MIER2: variants seen among roughly 807,000 people sequenced by gnomAD.
MIER2 encodes mesoderm induction early response protein 2.
MIER2 carries 30 observed loss-of-function variants against 67.6 expected under a neutral mutation model. The observed-to-expected ratio is 0.44, with a 90% CI of 0.33 to 0.60. The LOEUF (loss-of-function observed/expected upper bound fraction) is 0.60, where lower values mean the gene tolerates loss of function less well. Among genes scored for constraint, MIER2 ranks in the 20% least tolerant of loss-of-function variants. The pLI is 0.02. For synonymous variants in MIER2, 372 were observed against 312.6 expected (o/e 1.19, Z -2.00); for missense variants, 702 against 745.1 (o/e 0.94, Z 0.67).
rs1970688992 is a variant in MIER2, at chr19:307,183, T to A, written c.1552A>T (p.Asn518Tyr). The A allele has an allele frequency of 6.3e-7, 1 of 1,589,074 alleles. No homozygotes were observed. The highest frequency in any genetic ancestry group is 8.6e-7 in the Non-Finnish European group (1 of 1,167,956). ...GTGGGGTGGGCGGCCAGGAAGGGGT[T>A]CACGTCCCCAATGCCGATGAGTCCA... ...EFGLIGIGDV[N>Y]PFLAAHPTCP... The change falls in exon 13 of 14, where the codon AAC becomes TAC. Residue 518 changes from asparagine (N) to tyrosine (Y), a missense_variant. Coordinates refer to ENST00000264819, the MANE Select transcript of MIER2 (RefSeq NM_017550.3).
At chr19:307,664 A>C in intron 12 of MIER2, 128 bp from the exon 13 acceptor site, 2 of 978,444 alleles carry the variant, frequency 2.0e-6, no homozygotes, top group Non-Finnish European at 2.8e-6. Flanking sequence ...CCACACAAAT[A>C]CAAAAGACAC....
At chr19:335,202 A>G (rs1568236456) in intron 2 of MIER2, among the ~76,000 whole-genome samples, 2 of 152,214 alleles carry the variant, frequency 1.3e-5, no homozygotes, top group African/African-American at 4.8e-5. Context: ...CTAGGGCTCA[A>G]TCAATCCAGA....
chr19:344,112 A>G (rs1972629797), intron 1 of MIER2: 1 of 985,462 alleles, frequency 1.0e-6, no homozygotes, highest in African/African-American at 1.7e-5. Flanking sequence ...AGGAGGCTCC[A>G]GAAGTAACTT....
chr19:306,454 G>A lies in MIER2; in HGVS notation c.*236C>T, dbSNP rs937621327. 25 of 615,622 alleles carry A rather than the reference G, an allele frequency of 4.1e-5. No individual in the cohort carries two copies. The highest frequency in any genetic ancestry group is 6.0e-5 in the South Asian group (3 of 50,200). 38.1% of individuals were successfully genotyped at this position (615,622 alleles called of 1,614,324 possible). A position where few individuals can be genotyped will look rare whatever the true frequency, so the allele number is the denominator to read the frequency against. ...CACGTGCAGGCAGCGGCCCGGACCC[G>A]GGTGGCAGTGCCGGGCGCTGACGGC... On this transcript the variant is annotated 3_prime_UTR_variant, in exon 14 of 14. Coordinates refer to ENST00000264819, the MANE Select transcript of MIER2 (RefSeq NM_017550.3).
At chr19:315,870 G>A (rs1211246015) in intron 7 of MIER2, among the ~76,000 whole-genome samples, 2 of 152,316 alleles carry the variant, frequency 1.3e-5, no homozygotes, top group South Asian at 2.1e-4. Context: ...AAGGACACAC[G>A]AAGACGTGTG....
At position 307,561 on chromosome 19, in the gene MIER2, G is replaced by A. The variant is rs750005660; in HGVS notation, c.1199-25C>T. On this transcript the variant is annotated intron_variant, in intron 12 of 13. Coordinates refer to ENST00000264819, the MANE Select transcript of MIER2 (RefSeq NM_017550.3). ...TCTGTGAAAGAGAACGCAACAGAGG[G>A]TGGGGCCTGCCCACAGCCGCGGATC... 2.0e-5 allele frequency: 30 copies of A among 1,487,796 alleles called. No individual in the cohort carries two copies. In the African/African-American group the frequency reaches 3.8e-4, roughly 19 times the overall value. 92.2% of individuals were successfully genotyped at this position (1,487,796 alleles called of 1,614,324 possible). A position where few individuals can be genotyped will look rare whatever the true frequency, so the allele number is the denominator to read the frequency against.
At chr19:309,029 G>A (rs770212952) in intron 10 of MIER2, 104 bp from the exon 11 acceptor site, 285 of 1,469,416 alleles carry the variant, frequency 1.9e-4, no homozygotes, top group Non-Finnish European at 1.6e-4. Flanking sequence ...CACAGAAGGA[G>A]CACAGCACCC....
chr19:321,120 A>G (rs1313564424), intron 7 of MIER2, among the ~76,000 whole-genome samples: 1 of 152,194 alleles, frequency 6.6e-6, no homozygotes, highest in Non-Finnish European at 1.5e-5. Context: ...ACTGTACGTC[A>G]GGTAACTCGC....
At chr19:321,002 C>T (rs1313065215) in intron 7 of MIER2, among the ~76,000 whole-genome samples, 2 of 152,156 alleles carry the variant, frequency 1.3e-5, no homozygotes, top group Non-Finnish European at 2.9e-5. Flanking sequence ...CGACACAAGG[C>T]ACAAGGATGT....
intron 1 of MIER2, chr19:340,721 G>A (rs997896938): frequency 6.6e-6 from 1 of 152,370 alleles, no homozygotes; most frequent in African/African-American, 2.4e-5. Flanking sequence ...GCCACGGAAG[G>A]GAGCTGGGGC....
chr19:308,674 A>T lies in MIER2; in HGVS notation c.1110-9T>A. 1.2e-6 allele frequency: 2 copies of T among 1,600,244 alleles called. No individual in the cohort carries two copies. Among genetic ancestry groups the T allele is most frequent in the Non-Finnish European group, 1.7e-6 (2 of 1,174,814 alleles). On this transcript the variant is annotated splice_polypyrimidine_tract_variant and intron_variant, in intron 11 of 13. Transcript: ENST00000264819. This position sits in a 1 kb window ranked among gnomAD's most constrained non-coding sequence, Gnocchi z 9.1. Reference sequence around the variant, plus strand: ...GGTCCTGGTCTGCGTCCCTGTGGGGAGAGGGCGCCATGAGGGGCGGCAGAC... The same window carrying T: ...GGTCCTGGTCTGCGTCCCTGTGGGGTGAGGGCGCCATGAGGGGCGGCAGAC...
chr19:337,285 TTAATA>T (rs1373413199), intron 1 of MIER2, among the ~76,000 whole-genome samples: 3 of 152,134 alleles, frequency 2.0e-5, no homozygotes, highest in East Asian at 1.9e-4. Flanking sequence ...CAAAAGTCAA[TTAATA>T]TAATACATCA....
chr19:320,624 G>A (rs762797399), intron 7 of MIER2, among the ~76,000 whole-genome samples: 7 of 152,130 alleles, frequency 4.6e-5, no homozygotes, highest in South Asian at 2.1e-4. Context: ...TCATAGGAGC[G>A]CAAATCCCAC....
At chr19:344,078 C>T (rs1165445827) in intron 1 of MIER2, 1 of 985,308 alleles carries the variant, frequency 1.0e-6, no homozygotes, top group Non-Finnish European at 1.2e-6. Context: ...ATAAAGGGTC[C>T]CGGGCTTGTT....
At chr19:343,233 G>C (rs140465953) in intron 1 of MIER2, among the ~76,000 whole-genome samples, 3 of 152,322 alleles carry the variant, frequency 2.0e-5, no homozygotes, top group Non-Finnish European at 4.4e-5. Flanking sequence ...TGGCAGCTCT[G>C]GGGGAGGCTG....
At chr19:326,060 C>T (rs933925278) in intron 6 of MIER2, among the ~76,000 whole-genome samples, 2 of 152,262 alleles carry the variant, frequency 1.3e-5, no homozygotes, top group African/African-American at 2.4e-5. Flanking sequence ...TGAGAAGGGG[C>T]ACAAACCCAG....
At position 336,013 on chromosome 19, in the gene MIER2, C is replaced by A. The variant is rs571134465; in HGVS notation, c.100+70G>T. 4.3e-4 allele frequency: 626 copies of A among 1,463,564 alleles called. 6 individuals carry two copies. Among genetic ancestry groups the A allele is most frequent in the Admixed American group, 6.0e-4 (35 of 58,200 alleles). 90.7% of individuals were successfully genotyped at this position (1,463,564 alleles called of 1,614,324 possible). Reference sequence around the variant, plus strand: ...CGGTCCACAGCTCAGCCAGGCCCAGCAGGCATTCTGTCTCTCACAGCCACA... The same window carrying A: ...CGGTCCACAGCTCAGCCAGGCCCAGAAGGCATTCTGTCTCTCACAGCCACA... On this transcript the variant is annotated intron_variant, in intron 2 of 13. Coordinates refer to ENST00000264819, the MANE Select transcript of MIER2 (RefSeq NM_017550.3).
chr19:319,551 C>T (rs773492396), intron 7 of MIER2, among the ~76,000 whole-genome samples: 9 of 152,120 alleles, frequency 5.9e-5, no homozygotes, highest in Non-Finnish European at 1.2e-4. Context: ...CGCTGCCTCC[C>T]GGGTTCAAGT....
chr19:343,094 AAAATC>A (rs1273006930), intron 1 of MIER2, among the ~76,000 whole-genome samples: 2 of 152,150 alleles, frequency 1.3e-5, no homozygotes, highest in African/African-American at 2.4e-5. Flanking sequence ...ACCTCCTTAG[AAAATC>A]AAATCAAATT....
Sources: gnomAD v4.1 joint callset for allele counts (sites outside exome capture counted in the v4.1 genomes callset) on GRCh38, gnomAD v4.1.1 for gene constraint, Gnocchi (gnomAD v3.1) non-coding constraint, MANE v1.5 for transcripts, NCBI Gene and HGNC (gene_info 2026-07-23, HGNC 2026-07-21) for gene names.